The following KNL1 variants were observed in gnomAD, a reference collection of about 807,000 sequenced individuals.
KNL1 encodes outer kinetochore KNL1 complex subunit KNL1.
Under a neutral mutation model 201.3 loss-of-function variants are expected in KNL1, and 66 were observed. That is an observed-to-expected ratio of 0.33 (90% CI 0.27 to 0.40). KNL1 has a LOEUF of 0.40. Ranked by LOEUF, KNL1 falls within the 10% of genes least tolerant of loss-of-function variation. The pLI is 1.00. For synonymous variants in KNL1, 895 were observed against 899.2 expected, an observed-to-expected ratio of 1.00 and a Z score of 0.08; for missense variants, 2,815 against 2,690.5, an observed-to-expected ratio of 1.05 and a Z score of -1.02.
intron 14 of KNL1, among the ~76,000 whole-genome samples, chr15:40,642,475 A>G (rs1356848383): frequency 6.6e-6 from 1 of 152,088 alleles, no homozygotes; most frequent in Non-Finnish European, 1.5e-5. Flanking sequence ...GATTCTGTTC[A>G]TTTAACAAAT....
intron 4 of KNL1, 68 bp from the exon 5 acceptor site, chr15:40,608,779 A>G (rs1053260894): frequency 4.9e-5 from 55 of 1,111,496 alleles, no homozygotes; most frequent in Admixed American, 2.6e-4. Flanking sequence ...ATCTCTGTCT[A>G]TAGTACTCTG....
chr15:40,639,454 A>T (rs1467677637), intron 13 of KNL1, among the ~76,000 whole-genome samples: 1 of 151,706 alleles, frequency 6.6e-6, no homozygotes, highest in African/African-American at 2.4e-5. Flanking sequence ...GCGTGGTGGC[A>T]CACACCTGTA....
At position 40,620,674 on chromosome 15, in the gene KNL1, A is replaced by G. The variant is rs1892487821; in HGVS notation, c.410A>G (p.His137Arg). The change falls in exon 10 of 26, where the codon CAT becomes CGT. Residue 137 changes from histidine (H) to arginine (R), a missense_variant. Physicochemically the swap from His to Arg is conservative, Grantham distance 29. This residue lies in a region of KNL1 where 2,464 missense variants were observed against 2,291.7 expected (regional missense o/e 1.08). Coordinates refer to ENST00000399668, the MANE Select transcript of KNL1 (RefSeq NM_144508.5). ...SIIEHTRERK[H>R]ANDQTVIFSD... ...ATAGAACATACCCGTGAAAGGAAAC[A>G]TGCAAATGACCAGACAGTCATTTTT... 2 of 1,593,688 alleles carry G rather than the reference A, an allele frequency of 1.3e-6. No homozygotes were observed. The highest frequency in any genetic ancestry group is 1.4e-5 in the African/African-American group (1 of 73,422).
At chr15:40,612,457 A>C (rs1169770851) in intron 7 of KNL1, among the ~76,000 whole-genome samples, 2 of 150,216 alleles carry the variant, frequency 1.3e-5, no homozygotes, top group Admixed American at 1.3e-4. Flanking sequence ...ATGCCCCTGC[A>C]CTCCAACCTG....
chr15:40,604,061 C>A (rs1891895550), intron 2 of KNL1, among the ~76,000 whole-genome samples: 1 of 152,016 alleles, frequency 6.6e-6, no homozygotes, highest in Non-Finnish European at 1.5e-5. Context: ...GTCCTGTGTC[C>A]AAGCCCCACC....
chr15:40,658,486 G>T lies in KNL1; in HGVS notation c.6714-853G>T, dbSNP rs551168839. ...GGAGGTTGCAGTGAGCCGAGATCAC[G>T]CCACTGCACTCAGCCTGGGTGACAG... is the stretch of plus-strand genomic sequence containing the variant. On this transcript the variant is annotated intron_variant, in intron 24 of 25. Coordinates refer to ENST00000399668, the MANE Select transcript of KNL1 (RefSeq NM_144508.5). Among the ~76,000 whole-genome samples the T allele has an allele frequency of 7.1e-3, 797 of 111,752 alleles. 2 individuals carry two copies. The highest frequency in any genetic ancestry group is 0.022 in the Middle Eastern group (2 of 90). 73.3% of individuals were successfully genotyped at this position (111,752 alleles called of 152,430 possible).
In KNL1 at chr15:40,622,657, A is replaced by G. The variant is rs775942325; in HGVS notation, c.2393A>G (p.Asn798Ser). Residue 798 changes from asparagine to serine, a missense_variant, in exon 10 of 26, where the codon AAC (asparagine) becomes AGC (serine). Asn to Ser is a conservative substitution (Grantham distance 46). This residue lies in a region of KNL1 where 2,464 missense variants were observed against 2,291.7 expected (regional missense o/e 1.08). Transcript: ENST00000399668. Reference protein sequence around the residue: ...EHTTGQLTTMNRQIAVKVEKC... With the variant: ...EHTTGQLTTMSRQIAVKVEKC... ...ACTACTGGCCAGCTAACAACAATGA[A>G]CAGACAGATAGCTGTAAAAGTTGAA... The G allele has an allele frequency of 5.7e-6, 9 of 1,591,626 alleles. No individual in the cohort carries two copies. The highest frequency in any genetic ancestry group is 2.7e-5 in the African/African-American group (2 of 73,690).
intron 14 of KNL1, among the ~76,000 whole-genome samples, chr15:40,644,125 G>A (rs558934627): frequency 1.3e-5 from 2 of 152,318 alleles, no homozygotes; most frequent in African/African-American, 4.8e-5. Context: ...AGTTCCCTCA[G>A]TTTTTATTGA....
chr15:40,645,651 T>C lies in KNL1; in HGVS notation c.5890-5T>C. 6.5e-7 allele frequency: 1 copy of C among 1,540,710 alleles called. No homozygotes were observed. Among genetic ancestry groups the C allele is most frequent in the Non-Finnish European group, 8.9e-7 (1 of 1,121,586 alleles). ...TACAGTGTTCTCTATAACTTTCCCT[T>C]CCAGCTGAAGGCCTTTGGAATTTAT... is the stretch of plus-strand genomic sequence containing the variant. On this transcript the variant is annotated splice_polypyrimidine_tract_variant and splice_region_variant and intron_variant, in intron 15 of 25. Transcript: ENST00000399668.
intron 10 of KNL1, among the ~76,000 whole-genome samples, chr15:40,627,370 C>T (rs1474545221): frequency 6.6e-6 from 1 of 151,960 alleles, no homozygotes; most frequent in Non-Finnish European, 1.5e-5. Flanking sequence ...AAAAATTAGC[C>T]AGGCATGGTG....
chr15:40,609,508 G>A (rs1280004949), intron 5 of KNL1, among the ~76,000 whole-genome samples: 1 of 152,176 alleles, frequency 6.6e-6, no homozygotes, highest in Non-Finnish European at 1.5e-5. Context: ...GATGTCAAAT[G>A]CTCCTTGAAG....
At chr15:40,661,217 G>T (rs1444792293) in intron 25 of KNL1, among the ~76,000 whole-genome samples, 1 of 152,052 alleles carries the variant, frequency 6.6e-6, no homozygotes, top group African/African-American at 2.4e-5. Flanking sequence ...TTTTGACTGG[G>T]CGTGGTGGCT....
intron 10 of KNL1, 90 bp from the exon 11 acceptor site, chr15:40,627,980 G>A: frequency 3.7e-6 from 3 of 809,964 alleles, no homozygotes; most frequent in Non-Finnish European, 5.6e-6. Flanking sequence ...TAGATTAATT[G>A]TATGTTAGAA....
chr15:40,606,430 G>A lies in KNL1; in HGVS notation c.113G>A (p.Arg38Lys), dbSNP rs1891974446. 1 of 1,579,004 alleles carries A rather than the reference G, an allele frequency of 6.3e-7. No individual in the cohort carries two copies. Among genetic ancestry groups the A allele is most frequent in the Non-Finnish European group, 8.7e-7 (1 of 1,148,464 alleles). The change falls in exon 4 of 26, where the codon AGA (arginine) becomes AAA (lysine). Residue 38 changes from arginine to lysine, a missense_variant. Physicochemically the swap from Arg to Lys is conservative, Grantham distance 26. This residue lies in a region of KNL1 where 2,464 missense variants were observed against 2,291.7 expected (regional missense o/e 1.08). Coordinates refer to ENST00000399668, the MANE Select transcript of KNL1 (RefSeq NM_144508.5). ...CCAAGGAGTCCTCTTCAGGACCTCA[G>A]AGGTGGGAATGAAAGAGTTCAGGTA... ...KPPRSPLQDL[R>K]GGNERVQESN...
chr15:40,659,485 A>G, intron 25 of KNL1, 24 bp downstream of exon 25: 1 of 1,603,340 alleles, frequency 6.2e-7, no homozygotes, highest in Non-Finnish European at 8.5e-7. Flanking sequence ...CAACAGGGTA[A>G]GACTCTGGGC....
Position 40,626,092 on chromosome 15 carries a change from C to T in KNL1, c.5376+452C>T, listed in dbSNP as rs1190851486. 2.0e-5 allele frequency: 3 copies of T among 152,462 alleles called. 1 individual carries two copies. The highest frequency in any genetic ancestry group is 2.0e-4 in the Admixed American group (3 of 15,292). 9.4% of individuals were successfully genotyped at this position (152,462 alleles called of 1,614,324 possible). On this transcript the variant is annotated intron_variant, in intron 10 of 25. Coordinates refer to ENST00000399668, the MANE Select transcript of KNL1 (RefSeq NM_144508.5). ...ATGAAGTAAAGCTTGACTGAATTTC[C>T]TTGGCTGACAAGGATATGTAGAAGT...
At chr15:40,641,292 C>T (rs1329752776) in intron 14 of KNL1, among the ~76,000 whole-genome samples, 3 of 152,116 alleles carry the variant, frequency 2.0e-5, no homozygotes, top group African/African-American at 7.2e-5. Context: ...CCTACTCAGC[C>T]AATAGATATG....
chr15:40,640,189 TG>T (rs1451251952), intron 13 of KNL1, among the ~76,000 whole-genome samples: 1 of 150,310 alleles, frequency 6.7e-6, no homozygotes, highest in Non-Finnish European at 1.5e-5. Context: ...CTACACCTCC[TG>T]GGCTCAAGTA....
chr15:40,654,993 T>A lies in KNL1; in HGVS notation c.6484+16T>A. On this transcript the variant is annotated intron_variant, in intron 22 of 25. Transcript: ENST00000399668. ...CTGTTAGATGGTAAGTAGAAAACAT[T>A]TAAGCCTCTAAAAATTTGTTGGGGC... 6.2e-7 allele frequency: 1 copy of A among 1,602,740 alleles called. No homozygotes were observed. The highest frequency in any genetic ancestry group is 8.5e-7 in the Non-Finnish European group (1 of 1,171,020).
Sources: allele counts gnomAD v4.1 joint callset (sites outside exome capture counted in the v4.1 genomes callset), GRCh38; gene constraint gnomAD v4.1.1; regional missense constraint gnomAD v4.1.1; transcripts MANE v1.5; gene names NCBI Gene and HGNC (gene_info 2026-07-23, HGNC 2026-07-21).